Variants in GON4L observed in about 807,000 individuals in gnomAD.
GON4L encodes GON-4-like protein.
In GON4L, 87 loss-of-function variants were observed where a neutral mutation model predicts 211.8. That is an observed-to-expected ratio of 0.41 (90% confidence interval 0.35 to 0.49). GON4L has a LOEUF of 0.49. Ranked by LOEUF, GON4L falls within the 20% of genes least tolerant of loss-of-function variation. GON4L has a pLI of 0.15. For missense variants in GON4L, 2,155 were observed against 2,659.5 expected (o/e 0.81, Z 4.17); for synonymous variants, 875 against 962.6 (o/e 0.91, Z 1.68).
chr1:155,757,466 T>C (rs969855990), intron 25 of GON4L, 143 bp from the exon 26 acceptor site: 1 of 723,938 alleles, frequency 1.4e-6, no homozygotes, highest in African/African-American at 1.8e-5. Flanking sequence ...CAAAGAATAC[T>C]AAAACTTTCT....
intron 3 of GON4L, among the ~76,000 whole-genome samples, chr1:155,824,762 CAAAAA>C (rs58791710): frequency 3.8e-5 from 2 of 52,082 alleles, no homozygotes; most frequent in African/African-American, 6.0e-5. Flanking sequence ...GACTCTGTCG[CAAAAA>C]AAAAAAAAAA....
chr1:155,807,724 AAG>A (rs1667284039), intron 10 of GON4L, among the ~76,000 whole-genome samples: 5 of 149,874 alleles, frequency 3.3e-5, no homozygotes, highest in African/African-American at 9.7e-5. Context: ...AAAAAAAAAA[AAG>A]AAAATCAGAA....
chr1:155,746,131 G>C, downstream of GON4L: 1 of 939,150 alleles, frequency 1.1e-6, no homozygotes, highest in Middle Eastern at 3.3e-4. Context: ...CATCCTCATG[G>C]ATCTGAAGGG....
Position 155,754,455 on chromosome 1 carries a change from C to G in GON4L, c.5551G>C (p.Ala1851Pro). The G allele has an allele frequency of 1.2e-6, 2 of 1,612,642 alleles. No individual in the cohort carries two copies. Among genetic ancestry groups the G allele is most frequent in the South Asian group, 1.1e-5 (1 of 91,050 alleles). ...GGACCTCCTTCATGGCAGGAGCAGG[C>G]ACAGTCCTTGGCCCCATCTGGCCAT... The part of the protein sequence containing the change: ...TEWPDGAKDC[A>P]CSCHEGGPDS... Residue 1851 changes from alanine to proline, a missense_variant, in exon 28 of 32, where the codon GCC becomes CCC. Transcript: ENST00000368331.
chr1:155,748,904 A>G, downstream of GON4L: 4 of 1,017,804 alleles, frequency 3.9e-6, no homozygotes, highest in East Asian at 2.5e-5. Context: ...AAAAAGGATA[A>G]AAAGAAGGGC....
At chr1:155,834,732 C>T (rs1670129903) in intron 2 of GON4L, among the ~76,000 whole-genome samples, 1 of 152,218 alleles carries the variant, frequency 6.6e-6, no homozygotes, top group Non-Finnish European at 1.5e-5. Context: ...TGGCAACCCC[C>T]AGATGTTACC....
chr1:155,753,135 GAGGTTCCTGTCTGGAGTAC>G, intron 29 of GON4L, 50 bp downstream of exon 29: 1 of 1,183,554 alleles, frequency 8.4e-7, no homozygotes, highest in South Asian at 1.3e-5. Context: ...CAGGCTCATG[GAGGTTCCTGTCTGGAGTAC>G]AGGATAACGA....
chr1:155,752,532 C>A lies in GON4L; in HGVS notation c.5901G>T (p.Arg1967=). The A allele has an allele frequency of 6.2e-7, 1 of 1,602,124 alleles. No homozygotes were observed. Among genetic ancestry groups the A allele is most frequent in the African/African-American group, 1.3e-5 (1 of 74,786 alleles). The change falls in exon 30 of 32, where the codon CGG becomes CGT. Residue 1967 remains arginine, a synonymous_variant. Transcript: ENST00000368331. ...GAGGTGGTGGGCCATCCAGGAGGAG[C>A]CGTTCTGTAACAGTCACTTCTCGAG... ...PSPREVTVTE[R]LLLDGPPPHS... is the part of the protein sequence containing the mutation.
rs1342763631 is a variant in GON4L, at chr1:155,795,083, C to T, written c.1714G>A (p.Asp572Asn). 1 of 1,607,806 alleles carries T rather than the reference C, an allele frequency of 6.2e-7. No homozygotes were observed. Among genetic ancestry groups the T allele is most frequent in the Non-Finnish European group, 8.5e-7 (1 of 1,174,190 alleles). ...LEDLDEPDTEDFRTDRAVRIT... is the reference protein window; with the variant it reads ...LEDLDEPDTENFRTDRAVRIT... The stretch of plus-strand genomic sequence containing the variant: ...CTCACTGCCCGGTCAGTCCGGAAAT[C>T]CTCTGTGTCTGGTTCATCGAGGTCT... The change falls in exon 12 of 32, where the codon GAT becomes AAT. Residue 572 changes from aspartate (D) to asparagine (N), a missense_variant. Physicochemically the swap from Asp to Asn is conservative, Grantham distance 23. Coordinates refer to ENST00000368331, the MANE Select transcript of GON4L (RefSeq NM_001282860.2).
At chr1:155,784,271 T>C in intron 13 of GON4L, 182 bp from the exon 14 acceptor site, 1 of 739,380 alleles carries the variant, frequency 1.4e-6, no homozygotes, top group South Asian at 1.7e-5. Context: ...GGGATGGCTA[T>C]TATGCCAAGA....
Position 155,772,015 on chromosome 1 carries a change from T to C in GON4L, c.2496-798A>G, listed in dbSNP as rs553372632. Among the ~76,000 whole-genome samples the C allele has an allele frequency of 2.6e-5, 4 of 151,954 alleles. No homozygotes were observed. In the South Asian group the frequency reaches 6.2e-4, roughly 24 times the overall value. On this transcript the variant is annotated intron_variant, in intron 18 of 31. Coordinates refer to ENST00000368331, the MANE Select transcript of GON4L (RefSeq NM_001282860.2). The stretch of plus-strand genomic sequence containing the variant: ...TCGTCTCTACTAAAAATACAAAAAA[T>C]AGCCAGGTGTAGTGGTAGGTGCCTG...
At chr1:155,841,299 T>A (rs997303354) in intron 2 of GON4L, among the ~76,000 whole-genome samples, 6 of 152,200 alleles carry the variant, frequency 3.9e-5, no homozygotes, top group African/African-American at 1.4e-4. Flanking sequence ...GCCCAAGGAC[T>A]ACTGAAGAGG....
intron 12 of GON4L, among the ~76,000 whole-genome samples, chr1:155,791,616 C>T (rs1571758575): frequency 6.6e-6 from 1 of 151,664 alleles, no homozygotes; most frequent in South Asian, 2.1e-4. Flanking sequence ...GACTGTAATC[C>T]CAACACTTTG....
intron 24 of GON4L, among the ~76,000 whole-genome samples, chr1:155,758,772 G>A (rs980118791): frequency 6.6e-6 from 1 of 152,150 alleles, no homozygotes; most frequent in Non-Finnish European, 1.5e-5. Context: ...CCTGCTACCC[G>A]GAAGGCTGAG....
intron 2 of GON4L, chr1:155,845,645 G>A (rs1671166970): frequency 9.0e-6 from 3 of 334,028 alleles, no homozygotes; most frequent in Non-Finnish European, 1.8e-5. Context: ...AAGAATAGTT[G>A]AGTGGTACCA....
intron 18 of GON4L, among the ~76,000 whole-genome samples, chr1:155,772,079 G>A (rs539572148): frequency 7.2e-5 from 11 of 151,768 alleles, no homozygotes; most frequent in Non-Finnish European, 1.3e-4. Flanking sequence ...ACTTGAAACC[G>A]GGGGCGAAGG....
chr1:155,782,995 A>G (rs1473872063), intron 14 of GON4L, among the ~76,000 whole-genome samples: 1 of 152,176 alleles, frequency 6.6e-6, no homozygotes, highest in Non-Finnish European at 1.5e-5. Context: ...CAAAGAGTCA[A>G]TCAGCAGAAC....
At chr1:155,853,915 C>T (rs1672036103) in intron 1 of GON4L, 109 bp from the exon 2 acceptor site, 1 of 734,164 alleles carries the variant, frequency 1.4e-6, no homozygotes, top group Admixed American at 2.4e-5. Flanking sequence ...ATACTTCACA[C>T]CAAATGCACA....
intron 14 of GON4L, among the ~76,000 whole-genome samples, chr1:155,781,041 G>A (rs1462547761): frequency 4.6e-5 from 7 of 152,234 alleles, no homozygotes; most frequent in East Asian, 1.9e-4. Context: ...CTGATCACCT[G>A]CACTACTACC....
Sources: allele counts gnomAD v4.1 joint callset (sites outside exome capture counted in the v4.1 genomes callset), GRCh38; gene constraint gnomAD v4.1.1; transcripts MANE v1.5; gene names NCBI Gene and HGNC (gene_info 2026-07-23, HGNC 2026-07-21).